Variants in PDCD11 observed in about 807,000 individuals in gnomAD.
PDCD11 encodes the protein protein RRP5 homolog.
PDCD11 carries 97 observed loss-of-function variants against 198.9 expected under a neutral mutation model. The observed-to-expected ratio is 0.49, with a 90% CI of 0.41 to 0.58. The LOEUF (loss-of-function observed/expected upper bound fraction) is 0.58, where lower values mean the gene tolerates loss of function less well. Among genes scored for constraint, PDCD11 ranks in the 20% least tolerant of loss-of-function variants. PDCD11 has a pLI of 0.00. For missense variants in PDCD11, 2,102 were observed against 2,312.7 expected (o/e 0.91, Z 1.87); for synonymous variants, 893 against 918.0 (o/e 0.97, Z 0.49).
chr10:103,422,069 T>C (rs1008577622), intron 17 of PDCD11, among the ~76,000 whole-genome samples: 1 of 143,792 alleles, frequency 7.0e-6, no homozygotes, highest in East Asian at 2.0e-4. Context: ...TTATTATTAT[T>C]ATTATTATTA....
Position 103,445,373 on chromosome 10 carries a change from A to G in PDCD11, c.5445-5A>G, listed in dbSNP as rs368520062. On this transcript the variant is annotated splice_polypyrimidine_tract_variant and splice_region_variant and intron_variant, in intron 35 of 35. Transcript: ENST00000369797. ...GGCAAATGCCACTCTGCTTTTCCTC[A>G]ACAGGGACATCTTTGAGCGGGTCAT... 2.7e-5 allele frequency: 43 copies of G among 1,614,142 alleles called. No homozygotes were observed. In the African/African-American group the frequency reaches 4.9e-4, roughly 19 times the overall value.
chr10:103,434,490 A>G, intron 24 of PDCD11, 140 bp downstream of exon 24: 1 of 638,678 alleles, frequency 1.6e-6, no homozygotes, highest in Admixed American at 2.8e-5. Flanking sequence ...TTCTTGGAAC[A>G]GTTTTTCTCT....
Position 103,403,158 on chromosome 10 carries a change from AG to A in PDCD11, c.277del (p.Val93Ter). ...EGMRILGCVK[E>X]VNELELVISL... is the part of the protein sequence containing the mutation. Reference sequence around the variant, plus strand: ...ATGCGTATTTTGGGTTGCGTGAAAGAGGTGAATGAACTGGAACTGGTGATTA... The same window carrying A: ...ATGCGTATTTTGGGTTGCGTGAAAGAGTGAATGAACTGGAACTGGTGATTA... On this transcript the variant is annotated frameshift_variant, in exon 4 of 36. Coordinates refer to ENST00000369797, the MANE Select transcript of PDCD11 (RefSeq NM_014976.2). LOFTEE classifies it high-confidence loss of function. 1 of 1,614,172 alleles carries A rather than the reference AG, an allele frequency of 6.2e-7. No individual in the cohort carries two copies. Among genetic ancestry groups the A allele is most frequent in the Non-Finnish European group, 8.5e-7 (1 of 1,180,016 alleles).
Position 103,442,301 on chromosome 10 carries a change from G to A in PDCD11, c.4796G>A (p.Gly1599Glu), listed in dbSNP as rs1383461934. ...SRIEEALMDPGRQPESADDFD... is the reference protein window; with the variant it reads ...SRIEEALMDPERQPESADDFD... ...ATTGAGGAGGCGCTGATGGATCCTG[G>A]GCGGCAGCCAGAGTCCGCGGATGAT... is the stretch of plus-strand genomic sequence containing the variant. Residue 1599 changes from glycine to glutamate, a missense_variant, in exon 32 of 36, where the codon GGG becomes GAG. Physicochemically the swap from Gly to Glu is moderately conservative, Grantham distance 98. Transcript: ENST00000369797. 1 of 1,614,238 alleles carries A rather than the reference G, an allele frequency of 6.2e-7. No homozygotes were observed. The highest frequency in any genetic ancestry group is 8.5e-7 in the Non-Finnish European group (1 of 1,180,044).
intron 33 of PDCD11, 102 bp from the exon 34 acceptor site, chr10:103,443,813 T>C: frequency 1.7e-6 from 2 of 1,203,712 alleles, no homozygotes; most frequent in South Asian, 2.8e-5. Flanking sequence ...TGATTTGGTG[T>C]CTGGGAGCCC....
chr10:103,398,317 C>T, intron 1 of PDCD11, 99 bp from the exon 2 acceptor site: 2 of 733,838 alleles, frequency 2.7e-6, no homozygotes, highest in Non-Finnish European at 4.9e-6. Context: ...TGTTGTCTAG[C>T]ATATTGCTGG....
intron 30 of PDCD11, 31 bp downstream of exon 30, chr10:103,440,881 T>C: frequency 6.7e-7 from 1 of 1,486,016 alleles, no homozygotes. Context: ...AGGGGAAGGC[T>C]GCTCCAGGCA....
At chr10:103,416,122 G>A (rs1220452161) in intron 12 of PDCD11, among the ~76,000 whole-genome samples, 1 of 152,170 alleles carries the variant, frequency 6.6e-6, no homozygotes, top group African/African-American at 2.4e-5. Context: ...CAGTACTAAG[G>A]TGGTAAATTG....
Position 103,440,527 on chromosome 10 carries a change from G to A in PDCD11, c.4386G>A (p.Lys1462=), listed in dbSNP as rs2032337105. 6.2e-7 allele frequency: 1 copy of A among 1,613,462 alleles called. No individual in the cohort carries two copies. The highest frequency in any genetic ancestry group is 8.5e-7 in the Non-Finnish European group (1 of 1,180,012). ...MPSKEKQQPQ[K]PQAQKRGGRE... ...GCAAGGAGAAGCAACAGCCCCAGAA[G>A]CCACAGGCGCAGAAGCGGGGCGGGC... The change falls in exon 29 of 36, where the codon AAG becomes AAA. Residue 1462 remains lysine (K), a synonymous_variant. Coordinates refer to ENST00000369797, the MANE Select transcript of PDCD11 (RefSeq NM_014976.2).
Position 103,415,150 on chromosome 10 carries a change from G to T in PDCD11, c.1517G>T (p.Arg506Leu), listed in dbSNP as rs549702407. 1 of 1,613,588 alleles carries T rather than the reference G, an allele frequency of 6.2e-7. No homozygotes were observed. Among genetic ancestry groups the T allele is most frequent in the Non-Finnish European group, 8.5e-7 (1 of 1,180,006 alleles). ...KYHIGDEVKC[R>L]VLLCDPEAKK... ...CACATCGGGGATGAGGTCAAGTGCCGGGTGAGCCTCCTGAAGGGTCTCTTG... is the reference window on the plus strand; with the variant it reads ...CACATCGGGGATGAGGTCAAGTGCCTGGTGAGCCTCCTGAAGGGTCTCTTG... The change falls in exon 12 of 36, where the codon CGG becomes CTG. Residue 506 changes from arginine to leucine, a missense_variant and splice_region_variant. By Grantham distance (102) the Arg-to-Leu change is moderately radical. Coordinates refer to ENST00000369797, the MANE Select transcript of PDCD11 (RefSeq NM_014976.2).
intron 12 of PDCD11, among the ~76,000 whole-genome samples, 200 bp from the exon 13 acceptor site, chr10:103,416,291 A>T (rs1269847513): frequency 6.6e-6 from 1 of 152,180 alleles, no homozygotes; most frequent in East Asian, 1.9e-4. Flanking sequence ...TATGGGAGGA[A>T]TTACATTTGA....
intron 15 of PDCD11, among the ~76,000 whole-genome samples, chr10:103,419,303 G>A (rs1472238217): frequency 6.6e-6 from 1 of 152,170 alleles, no homozygotes; most frequent in Non-Finnish European, 1.5e-5. Context: ...GTTGGGCCAT[G>A]CAGATGGCTG....
At chr10:103,400,643 A>G in intron 3 of PDCD11, 115 bp downstream of exon 3, 1 of 1,026,994 alleles carries the variant, frequency 9.7e-7, no homozygotes, top group Non-Finnish European at 1.4e-6. Context: ...CCCTTAATAT[A>G]TTATATTTCA....
chr10:103,443,101 C>A, intron 32 of PDCD11, 64 bp from the exon 33 acceptor site: 2 of 1,433,960 alleles, frequency 1.4e-6, no homozygotes, highest in South Asian at 1.4e-5. Context: ...CTGAGTCTGT[C>A]TGGATGGGGC....
intron 14 of PDCD11, 87 bp downstream of exon 14, chr10:103,418,019 A>C (rs1164903473): frequency 6.9e-7 from 1 of 1,450,272 alleles, no homozygotes; most frequent in African/African-American, 1.4e-5. Context: ...GGAACCCACG[A>C]AGCGGAAAGA....
rs201763388 is a variant in PDCD11 at position 103,441,959 on chromosome 10, A to C, written c.4691A>C (p.Lys1564Thr). 13 of 1,614,214 alleles carry C rather than the reference A, an allele frequency of 8.1e-6. No individual in the cohort carries two copies. Among genetic ancestry groups the C allele is most frequent in the Non-Finnish European group, 1.1e-5 (13 of 1,180,034 alleles). ...AGCTCAGACAGCGAGGAGGATGAGA[A>C]GCCACACCAAGCCACGGTGCTGTAT... is the stretch of plus-strand genomic sequence containing the variant. Reference protein sequence around the residue: ...AESSDSEEDEKPHQATIKKSK... With the variant: ...AESSDSEEDETPHQATIKKSK... The change falls in exon 31 of 36, where the codon AAG (lysine) becomes ACG (threonine). Residue 1564 changes from lysine to threonine, a missense_variant. Transcript: ENST00000369797.
rs2032222489 is a variant in PDCD11, at chr10:103,438,010, T to C, written c.3846-5T>C. 3 of 1,612,654 alleles carry C rather than the reference T, an allele frequency of 1.9e-6. No homozygotes were observed. In the East Asian group the frequency reaches 6.7e-5, roughly 36 times the overall value. ...AGCGTTTCCTTCTCTTTTGCCTTCA[T>C]TCAGATGTTACATCCTGTCCACTGC... On this transcript the variant is annotated splice_region_variant and splice_polypyrimidine_tract_variant and intron_variant, in intron 25 of 35. Transcript: ENST00000369797.
At chr10:103,413,932 C>T (rs1199789891) in intron 9 of PDCD11, 34 bp from the exon 10 acceptor site, 2 of 1,575,732 alleles carry the variant, frequency 1.3e-6, no homozygotes, top group Non-Finnish European at 1.7e-6. Flanking sequence ...ACCTGTTGTC[C>T]CTGGCTTATC....
chr10:103,438,915 G>A, intron 27 of PDCD11, 107 bp downstream of exon 27: 1 of 1,206,260 alleles, frequency 8.3e-7, no homozygotes. Context: ...GAATATGAAG[G>A]GAGGAGAGTT....
Sources: gnomAD v4.1 joint callset for allele counts (sites outside exome capture counted in the v4.1 genomes callset) on GRCh38, gnomAD v4.1.1 for gene constraint, MANE v1.5 for transcripts, NCBI Gene and HGNC (gene_info 2026-07-23, HGNC 2026-07-21) for gene names.